The following MYL6B variants were observed in gnomAD, a reference collection of about 807,000 sequenced individuals.
The protein encoded by MYL6B is myosin light chain 6B, also known as myosin alkali light chain 1 slow a.
A neutral mutation model predicts 24.5 loss-of-function variants in MYL6B; 19 were observed. That is an observed-to-expected ratio of 0.78 (90% CI 0.54 to 1.14). The LOEUF (loss-of-function observed/expected upper bound fraction) is 1.14. Ranked by LOEUF, MYL6B falls within the 50% of genes most tolerant of loss-of-function variation. MYL6B has a pLI of 0.00. For missense variants in MYL6B, 230 were observed against 263.8 expected, an observed-to-expected ratio of 0.87 and a Z score of 0.89; for synonymous variants, 90 against 100.7, an observed-to-expected ratio of 0.89 and a Z score of 0.64.
At chr12:56,153,934 G>T (rs1286123046) in exon 2 of MYL6B, 1 of 1,612,898 alleles carries the variant, frequency 6.2e-7, no homozygotes, top group South Asian at 1.1e-5. Flanking sequence ...TCCCAAGAAG[G>T]ATGTTCCCGT....
chr12:56,157,417 G>A (rs753591787), intron 5 of MYL6B, 51 bp from the exon 6 acceptor site: 6 of 1,558,322 alleles, frequency 3.9e-6, no homozygotes, highest in Non-Finnish European at 4.4e-6. Flanking sequence ...GCGTGGCCTG[G>A]GTGAGTGAAG....
At chr12:56,156,331 A>T (rs1341576808) in intron 5 of MYL6B, 2 of 148,376 alleles carry the variant, frequency 1.3e-5, no homozygotes, top group East Asian at 4.0e-4. Flanking sequence ...AAGGCCAGAC[A>T]CGGTGGCTCA....
chr12:56,155,089 G>A (rs754004974), exon 4 of MYL6B: 3 of 1,613,856 alleles, frequency 1.9e-6, no homozygotes, highest in Non-Finnish European at 2.5e-6. Context: ...TTGACCGAGT[G>A]GGGGATGGCA....
chr12:56,153,305 G>A, intron 1 of MYL6B: 1 of 373,022 alleles, frequency 2.7e-6, no homozygotes, highest in Non-Finnish European at 3.7e-6. Flanking sequence ...TTTATACTGT[G>A]AATAGTTCCA....
intron 1 of MYL6B, chr12:56,153,541 G>C (rs946396177): frequency 3.2e-6 from 3 of 942,450 alleles, no homozygotes; most frequent in Non-Finnish European, 3.8e-6. Context: ...GAAGACTAAA[G>C]CTGCTGGATC....
At position 56,155,202 on chromosome 12, in the gene MYL6B, A is replaced by C; in HGVS notation, c.346+4A>C. ...CTGGGGAACCCCAAGAGTGATGGTG[A>C]GGGGACCCTTGGGAACAATTTGGGT... On this transcript the variant is annotated splice_donor_region_variant and intron_variant, in intron 4 of 6. Coordinates refer to ENST00000553066, the Ensembl canonical transcript of MYL6B. 11 of 1,591,198 alleles carry C rather than the reference A, an allele frequency of 6.9e-6. No individual in the cohort carries two copies. Among genetic ancestry groups the C allele is most frequent in the Non-Finnish European group, 9.4e-6 (11 of 1,170,956 alleles).
At chr12:56,153,590 G>A in intron 1 of MYL6B, 1 of 523,880 alleles carries the variant, frequency 1.9e-6, no homozygotes, top group Non-Finnish European at 2.5e-6. Flanking sequence ...AGTGCCACTG[G>A]CAAGCATCCT....
intron 5 of MYL6B, chr12:56,156,041 C>T: frequency 3.6e-6 from 4 of 1,104,592 alleles, no homozygotes; most frequent in South Asian, 4.3e-5. Context: ...TATGGTGGCT[C>T]ACGCCTGTAA....
chr12:56,155,839 A>C (rs1871286270), intron 5 of MYL6B: 1 of 1,403,632 alleles, frequency 7.1e-7, no homozygotes, highest in African/African-American at 1.4e-5. Flanking sequence ...ATTTTGGAAG[A>C]GACGTGTGGG....
exon 4 of MYL6B, chr12:56,155,156 A>G (rs1352842372): frequency 6.2e-7 from 1 of 1,613,894 alleles, no homozygotes; most frequent in East Asian, 2.2e-5. Flanking sequence ...GAACCCCACC[A>G]ACGCCGAGGT....
chr12:56,154,718 C>A, intron 2 of MYL6B, 95 bp from the exon 3 acceptor site: 1 of 1,423,224 alleles, frequency 7.0e-7, no homozygotes, highest in Non-Finnish European at 9.6e-7. Context: ...CCCTTTGGGC[C>A]CCTCCTCAGA....
At chr12:56,154,563 C>G (rs1871234352) in intron 2 of MYL6B, among the ~76,000 whole-genome samples, 1 of 152,198 alleles carries the variant, frequency 6.6e-6, no homozygotes, top group African/African-American at 2.4e-5. Context: ...GGATGCAGGG[C>G]TCAGGGCAAT....
chr12:56,156,827 G>A (rs1385726596), intron 5 of MYL6B: 1 of 151,706 alleles, frequency 6.6e-6, no homozygotes, highest in East Asian at 1.9e-4. Context: ...GAGATGGGCA[G>A]ATCATTTGAG....
intron 5 of MYL6B, among the ~76,000 whole-genome samples, chr12:56,156,641 T>G (rs1160802003): frequency 1.3e-5 from 2 of 151,620 alleles, no homozygotes; most frequent in Admixed American, 1.3e-4. Context: ...CCGGGAGCAG[T>G]GGCTCACTCC....
chr12:56,157,589 A>T (rs1283819526), intron 6 of MYL6B, 44 bp downstream of exon 6: 1 of 1,613,094 alleles, frequency 6.2e-7, no homozygotes, highest in African/African-American at 1.3e-5. Context: ...GGAGGAGGGC[A>T]GCCTGGCGTC....
chr12:56,153,367 C>T, intron 1 of MYL6B: 1 of 944,788 alleles, frequency 1.1e-6, no homozygotes, highest in Middle Eastern at 5.4e-4. Context: ...GATCATTAGA[C>T]TCTAAGGTTA....
At chr12:56,155,164 G>T in exon 4 of MYL6B, 2 of 1,613,484 alleles carry the variant, frequency 1.2e-6, no homozygotes, top group Non-Finnish European at 1.7e-6. Flanking sequence ...CCAACGCCGA[G>T]GTGCTCAAGG....
At chr12:56,157,407 G>T in intron 5 of MYL6B, 61 bp from the exon 6 acceptor site, 1 of 1,496,250 alleles carries the variant, frequency 6.7e-7, no homozygotes, top group Non-Finnish European at 9.2e-7. Flanking sequence ...AAAAGGAAAA[G>T]CGTGGCCTGG....
Position 56,155,785 on chromosome 12 carries a change from C to T in MYL6B, c.520+193C>T, listed in dbSNP as rs773286517. On this transcript the variant is annotated intron_variant, in intron 5 of 6. Transcript: ENST00000553066. ...CTCTTCCAGAGGCTAAAGTGCCATC[C>T]GGAGGGCAGAGGAAAAGGGATGAGG... is the stretch of plus-strand genomic sequence containing the variant. 119 of 1,508,788 alleles carry T rather than the reference C, an allele frequency of 7.9e-5. 1 individual carries two copies. Among genetic ancestry groups the T allele is most frequent in the Non-Finnish European group, 9.3e-5 (105 of 1,134,094 alleles). The allele number at this position is 1,508,788 out of a possible 1,614,324, so 93.5% of individuals were successfully genotyped here.
Sources: gnomAD v4.1 joint callset for allele counts (sites outside exome capture counted in the v4.1 genomes callset) on GRCh38, gnomAD v4.1.1 for gene constraint, MANE v1.5 for transcripts, NCBI Gene and HGNC (gene_info 2026-07-23, HGNC 2026-07-21) for gene names.